Variants in AP3B1 observed in about 807,000 individuals in gnomAD.
AP3B1 encodes adaptor related protein complex 3 subunit beta 1, also known as AP-3 complex subunit beta-1.
AP3B1 carries 61 observed loss-of-function variants against 132.5 expected under a neutral mutation model. The observed-to-expected ratio is 0.46, with a 90% confidence interval of 0.37 to 0.57. The LOEUF (loss-of-function observed/expected upper bound fraction) is 0.57. Among genes scored for constraint, AP3B1 ranks in the 20% least tolerant of loss-of-function variants. The pLI is 0.00. For missense variants in AP3B1, 1,120 were observed against 1,289.4 expected (o/e 0.87, Z 2.01); for synonymous variants, 388 against 438.3 (o/e 0.89, Z 1.43).
At chr5:78,246,407 A>G (rs929804300) in intron 2 of AP3B1, among the ~76,000 whole-genome samples, 5 of 152,174 alleles carry the variant, frequency 3.3e-5, no homozygotes, top group Admixed American at 3.3e-4. Flanking sequence ...CCAGGATAGC[A>G]CTGAACTCAG....
chr5:78,189,451 AT>A (rs1744736749), intron 7 of AP3B1, among the ~76,000 whole-genome samples: 1 of 152,170 alleles, frequency 6.6e-6, no homozygotes, highest in Admixed American at 6.6e-5. Flanking sequence ...AAAGGATGGC[AT>A]TTTTAATGAC....
chr5:78,012,648 C>A (rs1746666457), intron 26 of AP3B1, among the ~76,000 whole-genome samples: 1 of 152,040 alleles, frequency 6.6e-6, no homozygotes, highest in African/African-American at 2.4e-5. Flanking sequence ...GACTTTTGAC[C>A]CTGTAGTAAC....
chr5:78,207,476 T>G (rs1359831343), intron 7 of AP3B1, among the ~76,000 whole-genome samples: 1 of 151,846 alleles, frequency 6.6e-6, no homozygotes, highest in Non-Finnish European at 1.5e-5. Flanking sequence ...AAAAATATGA[T>G]GGACATGGTA....
chr5:78,104,213 T>C (rs968763146), intron 20 of AP3B1, among the ~76,000 whole-genome samples: 2 of 152,166 alleles, frequency 1.3e-5, no homozygotes, highest in Non-Finnish European at 2.9e-5. Flanking sequence ...ATGACTTTTT[T>C]CCTTCAAGTT....
In AP3B1 at chr5:78,141,897, C is replaced by T. The variant is rs557093075; in HGVS notation, c.1474-578G>A. ...ATCTATGTTTTAATTTAAAAAGCAT[C>T]ACAGATGACTCCTGAGACAGGTGGT... On this transcript the variant is annotated intron_variant, in intron 14 of 26. Transcript: ENST00000255194. Among the ~76,000 whole-genome samples, 425 of 152,148 alleles carry T rather than the reference C, an allele frequency of 2.8e-3. 3 individuals carry two copies. Among genetic ancestry groups the T allele is most frequent in the Non-Finnish European group, 3.6e-3 (248 of 68,026 alleles).
chr5:78,242,879 T>C (rs148549986), intron 2 of AP3B1, among the ~76,000 whole-genome samples: 16 of 152,324 alleles, frequency 1.1e-4, no homozygotes, highest in East Asian at 3.8e-4. Flanking sequence ...CAAAATAAAG[T>C]TCAAACTATA....
At chr5:78,228,781 CCTAA>C (rs1746505752) in intron 3 of AP3B1, among the ~76,000 whole-genome samples, 3 of 152,118 alleles carry the variant, frequency 2.0e-5, no homozygotes, top group Non-Finnish European at 4.4e-5. Context: ...AGTCCAGAGC[CCTAA>C]CTCTGATTTT....
chr5:78,144,889 G>A (rs993814687), intron 14 of AP3B1, among the ~76,000 whole-genome samples: 3 of 151,954 alleles, frequency 2.0e-5, no homozygotes, highest in African/African-American at 4.8e-5. Context: ...GCTGGAGTGC[G>A]GTGGTGCAAT....
chr5:78,227,028 A>T (rs531460125), intron 5 of AP3B1, among the ~76,000 whole-genome samples: 1 of 146,792 alleles, frequency 6.8e-6, no homozygotes, highest in East Asian at 1.9e-4. Context: ...CCTAAACAGG[A>T]AAAAAAAATC....
intron 24 of AP3B1, among the ~76,000 whole-genome samples, chr5:78,022,871 C>T (rs138951554): frequency 2.5e-3 from 376 of 152,164 alleles, no homozygotes; most frequent in African/African-American, 8.4e-3. Context: ...TCTTAAGAGA[C>T]AGCTTCTGTT....
At chr5:78,291,029 A>C (rs1042601627) in intron 1 of AP3B1, among the ~76,000 whole-genome samples, 3 of 152,206 alleles carry the variant, frequency 2.0e-5, no homozygotes, top group Admixed American at 2.0e-4. Flanking sequence ...CCAATAATCT[A>C]ATACACAGGC....
intron 26 of AP3B1, among the ~76,000 whole-genome samples, chr5:78,009,592 C>G (rs1746534408): frequency 6.6e-6 from 1 of 152,044 alleles, no homozygotes; most frequent in South Asian, 2.1e-4. Flanking sequence ...ACTTGGTTGC[C>G]AATGGATACA....
chr5:78,110,906 G>A (rs1443652423), intron 19 of AP3B1, among the ~76,000 whole-genome samples: 3 of 152,022 alleles, frequency 2.0e-5, no homozygotes, highest in East Asian at 1.9e-4. Flanking sequence ...CTACAGGCAT[G>A]CACCACCACA....
intron 2 of AP3B1, among the ~76,000 whole-genome samples, chr5:78,256,377 A>G (rs1747847547): frequency 6.6e-6 from 1 of 152,112 alleles, no homozygotes; most frequent in Admixed American, 6.5e-5. Context: ...ATTAGTGGCT[A>G]CTATGAGCAC....
At chr5:78,264,318 A>C (rs1748229401) in intron 2 of AP3B1, among the ~76,000 whole-genome samples, 1 of 152,222 alleles carries the variant, frequency 6.6e-6, no homozygotes, top group Non-Finnish European at 1.5e-5. Flanking sequence ...CAGAATTTTG[A>C]ATTTACAGAA....
intron 3 of AP3B1, among the ~76,000 whole-genome samples, chr5:78,233,423 CG>C (rs1208038593): frequency 6.6e-6 from 1 of 151,694 alleles, no homozygotes; most frequent in Non-Finnish European, 1.5e-5. Flanking sequence ...TAGTAGAGAA[CG>C]GGGTTTCATC....
intron 22 of AP3B1, among the ~76,000 whole-genome samples, chr5:78,040,752 C>A (rs380913): frequency 0.28 from 42,540 of 151,904 alleles, 6,677 homozygotes; most frequent in Admixed American, 0.41. Context: ...CAACTAGATT[C>A]TCTATTATAG....
At chr5:78,134,591 AGTGC>A (rs1265237472) in intron 15 of AP3B1, among the ~76,000 whole-genome samples, 3 of 152,084 alleles carry the variant, frequency 2.0e-5, no homozygotes, top group Non-Finnish European at 2.9e-5. Context: ...CCCAGGCTGG[AGTGC>A]AATGGCGCGA....
At chr5:78,004,743 CA>C (rs1580227977) in intron 26 of AP3B1, among the ~76,000 whole-genome samples, 2 of 152,216 alleles carry the variant, frequency 1.3e-5, no homozygotes. Flanking sequence ...GTGCACTCTA[CA>C]AGCATGCTGA....
Sources: allele counts gnomAD v4.1 joint callset (sites outside exome capture counted in the v4.1 genomes callset), GRCh38; gene constraint gnomAD v4.1.1; transcripts MANE v1.5; gene names NCBI Gene and HGNC (gene_info 2026-07-23, HGNC 2026-07-21).